The following ELMO1 variants were observed in gnomAD, a reference collection of about 807,000 sequenced individuals.
ELMO1 encodes engulfment and cell motility protein 1.
In ELMO1, 26 loss-of-function variants were observed where a neutral mutation model predicts 98.9. The ratio of observed to expected loss-of-function variants is 0.26; its 90% CI spans 0.19 to 0.36. The LOEUF (loss-of-function observed/expected upper bound fraction) is 0.36. Among genes scored for constraint, ELMO1 ranks in the 10% least tolerant of loss-of-function variants. ELMO1 has a pLI of 1.00. For missense variants in ELMO1, 627 were observed against 935.2 expected (o/e 0.67, Z 4.30); for synonymous variants, 346 against 346.0 (o/e 1.00, Z 0.00).
At chr7:37,239,163 G>T (rs1268870656) in intron 7 of ELMO1, among the ~76,000 whole-genome samples, 1 of 150,664 alleles carries the variant, frequency 6.6e-6, no homozygotes, top group Admixed American at 6.8e-5. Flanking sequence ...TTCGAGAAAT[G>T]ATTTCAATTT....
At chr7:37,208,961 T>C (rs1487752779) in intron 13 of ELMO1, among the ~76,000 whole-genome samples, 2 of 151,730 alleles carry the variant, frequency 1.3e-5, no homozygotes, top group Admixed American at 6.6e-5. Flanking sequence ...ACTTTTCAAG[T>C]CCTCATAAGC....
At chr7:37,191,061 C>A (rs1248216101) in intron 13 of ELMO1, among the ~76,000 whole-genome samples, 2 of 151,028 alleles carry the variant, frequency 1.3e-5, no homozygotes, top group East Asian at 3.9e-4. Context: ...TGGTGGTGGG[C>A]GCCTGTGGTC....
At chr7:37,281,087 C>G (rs547772530) in intron 4 of ELMO1, among the ~76,000 whole-genome samples, 5 of 151,476 alleles carry the variant, frequency 3.3e-5, no homozygotes, top group African/African-American at 1.2e-4. Flanking sequence ...GCATTTTCAG[C>G]GACCAGATGA....
chr7:37,326,212 A>G (rs1799795425), intron 2 of ELMO1, among the ~76,000 whole-genome samples: 1 of 152,236 alleles, frequency 6.6e-6, no homozygotes, highest in Non-Finnish European at 1.5e-5. Context: ...AAGGGGGCTT[A>G]CAGCAACCTC....
intron 16 of ELMO1, among the ~76,000 whole-genome samples, chr7:36,969,029 A>C (rs1184058287): frequency 6.6e-6 from 1 of 152,072 alleles, no homozygotes; most frequent in African/African-American, 2.4e-5. Flanking sequence ...GCCTTTGAGA[A>C]TTTATTGAGG....
At chr7:37,131,614 T>A (rs1378981102) in intron 14 of ELMO1, among the ~76,000 whole-genome samples, 2 of 152,206 alleles carry the variant, frequency 1.3e-5, no homozygotes, top group African/African-American at 4.8e-5. Context: ...CTACATGGTA[T>A]CTCAAAAATA....
intron 13 of ELMO1, among the ~76,000 whole-genome samples, chr7:37,202,043 T>A (rs1047963732): frequency 2.6e-5 from 4 of 152,178 alleles, no homozygotes; most frequent in African/African-American, 9.7e-5. Flanking sequence ...CTGGGTCTGG[T>A]GGACTGGCTA....
At chr7:37,153,916 A>C (rs1023087987) in intron 13 of ELMO1, among the ~76,000 whole-genome samples, 1 of 152,094 alleles carries the variant, frequency 6.6e-6, no homozygotes, top group African/African-American at 2.4e-5. Flanking sequence ...GCAGACAGAC[A>C]CCTCATACAG....
intron 2 of ELMO1, among the ~76,000 whole-genome samples, chr7:37,323,623 G>A (rs1460162649): frequency 6.6e-6 from 1 of 152,130 alleles, no homozygotes; most frequent in Admixed American, 6.5e-5. Flanking sequence ...CCAGGAGGCA[G>A]AGGAAAAAAA....
chr7:37,348,070 C>G (rs1256316628), intron 1 of ELMO1, among the ~76,000 whole-genome samples: 3 of 152,214 alleles, frequency 2.0e-5, no homozygotes, highest in African/African-American at 7.2e-5. Flanking sequence ...TTCACAGTTA[C>G]AGACTCAGGG....
chr7:37,109,593 A>G (rs1316868254), intron 14 of ELMO1, among the ~76,000 whole-genome samples: 1 of 152,132 alleles, frequency 6.6e-6, no homozygotes, highest in Non-Finnish European at 1.5e-5. Flanking sequence ...CAATCTGTGA[A>G]GGGGCCTCCA....
At chr7:37,378,953 A>ATATCT (rs774200701) in intron 1 of ELMO1, among the ~76,000 whole-genome samples, 4 of 152,078 alleles carry the variant, frequency 2.6e-5, no homozygotes, top group Non-Finnish European at 4.4e-5. Context: ...GAACTGTAAA[A>ATATCT]TATCTTATTA....
At chr7:37,362,923 C>G (rs1044213168) in intron 1 of ELMO1, among the ~76,000 whole-genome samples, 2 of 152,200 alleles carry the variant, frequency 1.3e-5, no homozygotes, top group Non-Finnish European at 1.5e-5. Flanking sequence ...GAGCCAGGTT[C>G]TCTCTTCCCT....
At chr7:37,053,800 A>T (rs964111170) in intron 15 of ELMO1, among the ~76,000 whole-genome samples, 1 of 152,186 alleles carries the variant, frequency 6.6e-6, no homozygotes, top group South Asian at 2.1e-4. Flanking sequence ...TCAGTTCTAC[A>T]TGTATGCAAT....
At chr7:36,961,381 C>CA (rs1208403804) in intron 16 of ELMO1, among the ~76,000 whole-genome samples, 1 of 152,034 alleles carries the variant, frequency 6.6e-6, no homozygotes, top group Non-Finnish European at 1.5e-5. Flanking sequence ...GAAAAGCAAC[C>CA]AAAGCTGTTT....
chr7:37,320,894 C>T (rs574316782), intron 2 of ELMO1, among the ~76,000 whole-genome samples: 42 of 152,348 alleles, frequency 2.8e-4, no homozygotes, highest in African/African-American at 9.6e-4. Flanking sequence ...TTTCCTACCA[C>T]TGCTGGGTGA....
chr7:37,255,034 A>G (rs1795566299), intron 6 of ELMO1, among the ~76,000 whole-genome samples: 1 of 152,216 alleles, frequency 6.6e-6, no homozygotes, highest in Admixed American at 6.5e-5. Flanking sequence ...AGGCACATAC[A>G]TAGCATCAGT....
At chr7:37,080,353 G>A (rs888858587) in intron 15 of ELMO1, among the ~76,000 whole-genome samples, 4 of 152,008 alleles carry the variant, frequency 2.6e-5, no homozygotes, top group South Asian at 2.1e-4. Flanking sequence ...TCTGCCCAAC[G>A]GCTTCTCTTT....
In ELMO1 at chr7:36,877,902, T is replaced by A. The variant is rs138684158; in HGVS notation, c.1822+108A>T. The A allele has an allele frequency of 2.9e-4, 235 of 801,548 alleles. 1 individual carries two copies. In the East Asian group the frequency reaches 5.0e-3, roughly 17 times the overall value. The allele number at this position is 801,548 out of a possible 1,614,324, so 49.7% of individuals were successfully genotyped here. A position where few individuals can be genotyped will look rare whatever the true frequency, so the allele number is the denominator to read the frequency against. ...GGCGACGACTTACAACTAGATGAGA[T>A]GTGTTCAAAGGGCTTACTTAGGCTG... On this transcript the variant is annotated intron_variant, in intron 19 of 21. Transcript: ENST00000310758.
Sources: gnomAD v4.1 joint callset for allele counts (sites outside exome capture counted in the v4.1 genomes callset) on GRCh38, gnomAD v4.1.1 for gene constraint, MANE v1.5 for transcripts, NCBI Gene and HGNC (gene_info 2026-07-23, HGNC 2026-07-21) for gene names.